The following ZBTB20 variants were observed in gnomAD, a reference collection of about 807,000 sequenced individuals.
ZBTB20 encodes the protein zinc finger and BTB domain-containing protein 20.
In ZBTB20, 9 loss-of-function variants were observed where a neutral mutation model predicts 56.9. That is an observed-to-expected ratio of 0.16 (90% CI 0.10 to 0.28). The LOEUF (loss-of-function observed/expected upper bound fraction) is 0.28, where lower values mean the gene tolerates loss of function less well. ZBTB20 is among the 10% of genes least tolerant of loss of function. ZBTB20 has a pLI of 1.00. For synonymous variants in ZBTB20, 417 were observed against 420.7 expected, an observed-to-expected ratio of 0.99 and a Z score of 0.11; for missense variants, 655 against 1,003.0, an observed-to-expected ratio of 0.65 and a Z score of 4.69.
At chr3:114,633,102 A>G (rs958474035) in intron 6 of ZBTB20, among the ~76,000 whole-genome samples, 2 of 152,226 alleles carry the variant, frequency 1.3e-5, no homozygotes, top group Non-Finnish European at 2.9e-5. Flanking sequence ...AGATTTGTAA[A>G]AAGAAGTATA....
At chr3:114,971,555 A>G (rs1299132801) in intron 3 of ZBTB20, among the ~76,000 whole-genome samples, 1 of 152,264 alleles carries the variant, frequency 6.6e-6, no homozygotes, top group African/African-American at 2.4e-5. Flanking sequence ...TATATGCAGA[A>G]GTAAACTGAC....
At chr3:115,047,514 T>G (rs966324542) in intron 2 of ZBTB20, among the ~76,000 whole-genome samples, 2 of 152,210 alleles carry the variant, frequency 1.3e-5, no homozygotes, top group Non-Finnish European at 2.9e-5. Flanking sequence ...ATACTTATAA[T>G]CATTATTGTA....
chr3:114,946,123 G>C (rs1375000633), intron 3 of ZBTB20, among the ~76,000 whole-genome samples: 2 of 145,398 alleles, frequency 1.4e-5, no homozygotes, highest in Non-Finnish European at 3.0e-5. Context: ...AAAGTTGGTA[G>C]ATAAATAAAA....
At chr3:115,144,583 T>C (rs935240681) in intron 1 of ZBTB20, among the ~76,000 whole-genome samples, 4 of 152,168 alleles carry the variant, frequency 2.6e-5, no homozygotes, top group Admixed American at 2.0e-4. Context: ...TCCCCAATTA[T>C]AGCCCTCACA....
At chr3:114,454,924 T>C (rs1576844056) in intron 7 of ZBTB20, 1 of 143,700 alleles carries the variant, frequency 7.0e-6, no homozygotes, top group African/African-American at 2.7e-5. Context: ...GCAGACCACG[T>C]TTAGGAGAGA....
chr3:115,040,131 A>T (rs1560516804), intron 2 of ZBTB20, among the ~76,000 whole-genome samples: 1 of 151,896 alleles, frequency 6.6e-6, no homozygotes, highest in Non-Finnish European at 1.5e-5. Context: ...TACATATATA[A>T]TTTTTTTTAT....
At chr3:114,612,501 G>T (rs926080554) in intron 6 of ZBTB20, among the ~76,000 whole-genome samples, 1 of 151,688 alleles carries the variant, frequency 6.6e-6, no homozygotes, top group Non-Finnish European at 1.5e-5. Context: ...TTTCTCCATC[G>T]TTTTATTAAA....
chr3:114,669,562 G>A (rs1484492742), intron 6 of ZBTB20, among the ~76,000 whole-genome samples: 4 of 151,072 alleles, frequency 2.6e-5, no homozygotes, highest in South Asian at 2.1e-4. Flanking sequence ...TGAAGTCATC[G>A]ACTATGCAAC....
chr3:114,470,896 T>C (rs1308516090), intron 7 of ZBTB20, among the ~76,000 whole-genome samples: 2 of 152,210 alleles, frequency 1.3e-5, no homozygotes, highest in Non-Finnish European at 2.9e-5. Flanking sequence ...GTCCAGTGTA[T>C]AGAATTCACA....
At chr3:114,714,763 C>T (rs557495069) in intron 5 of ZBTB20, among the ~76,000 whole-genome samples, 1 of 152,178 alleles carries the variant, frequency 6.6e-6, no homozygotes, top group Non-Finnish European at 1.5e-5. Context: ...CAAATGACAA[C>T]TTTTTCGCTG....
At position 114,802,561 on chromosome 3, in the gene ZBTB20, G is replaced by A. The variant is rs546290515; in HGVS notation, c.-416-1387C>T. ...TGAATTAGGCTAAAAATGAACCAGC[G>A]TAAAGGCAGAAATTATGGAGGCGTC... On this transcript the variant is annotated intron_variant, in intron 4 of 11. Transcript: ENST00000675478. Among the ~76,000 whole-genome samples, 6 of 151,896 alleles carry A rather than the reference G, an allele frequency of 4.0e-5. No individual in the cohort carries two copies. The East Asian group carries it at 7.7e-4, about 20-fold the overall frequency.
chr3:114,857,770 G>A (rs2075317038), intron 4 of ZBTB20, among the ~76,000 whole-genome samples: 1 of 152,112 alleles, frequency 6.6e-6, no homozygotes, highest in Non-Finnish European at 1.5e-5. Flanking sequence ...TCCCCTGTAT[G>A]GTGGCCATTT....
intron 7 of ZBTB20, among the ~76,000 whole-genome samples, chr3:114,444,401 A>G (rs1241693555): frequency 6.6e-6 from 1 of 152,144 alleles, no homozygotes; most frequent in Non-Finnish European, 1.5e-5. Context: ...CCTTATCCTC[A>G]TCACACATAT....
At chr3:114,848,056 CAATT>C (rs900321935) in intron 4 of ZBTB20, among the ~76,000 whole-genome samples, 2 of 152,070 alleles carry the variant, frequency 1.3e-5, no homozygotes, top group Non-Finnish European at 1.5e-5. Flanking sequence ...ATAAGAAAAA[CAATT>C]AGCTGATGCA....
intron 7 of ZBTB20, among the ~76,000 whole-genome samples, chr3:114,418,774 G>A (rs939379876): frequency 6.6e-6 from 1 of 152,022 alleles, no homozygotes; most frequent in African/African-American, 2.4e-5. Flanking sequence ...TATAAGTGAA[G>A]CAACACTGTA....
intron 10 of ZBTB20, among the ~76,000 whole-genome samples, chr3:114,368,442 T>A (rs1292840259): frequency 6.6e-6 from 1 of 152,188 alleles, no homozygotes; most frequent in African/African-American, 2.4e-5. Flanking sequence ...CGAGAGGACA[T>A]CAGGAGCCAT....
chr3:114,788,597 C>A (rs1440496917), intron 5 of ZBTB20, among the ~76,000 whole-genome samples: 1 of 152,190 alleles, frequency 6.6e-6, no homozygotes, highest in Non-Finnish European at 1.5e-5. Flanking sequence ...TGGCTATCAA[C>A]TGTGCATTCC....
intron 2 of ZBTB20, among the ~76,000 whole-genome samples, chr3:115,023,987 G>T (rs892494054): frequency 6.0e-5 from 9 of 150,988 alleles, no homozygotes; most frequent in Admixed American, 4.6e-4. Flanking sequence ...TAATTTTTGA[G>T]ACTGATCATT....
At chr3:114,461,798 A>C (rs2092342480) in intron 7 of ZBTB20, among the ~76,000 whole-genome samples, 1 of 152,210 alleles carries the variant, frequency 6.6e-6, no homozygotes, top group Admixed American at 6.5e-5. Context: ...TCAGAGGTGG[A>C]TGTCTGAGTG....
Sources: allele counts gnomAD v4.1 joint callset (sites outside exome capture counted in the v4.1 genomes callset), GRCh38; gene constraint gnomAD v4.1.1; transcripts MANE v1.5; gene names NCBI Gene and HGNC (gene_info 2026-07-23, HGNC 2026-07-21).